The following HERC3 variants were observed in gnomAD, a reference collection of about 807,000 sequenced individuals.
HERC3 encodes HECT and RLD domain containing E3 ubiquitin protein ligase 3.
A neutral mutation model predicts 129.9 loss-of-function variants in HERC3; 58 were observed. The ratio of observed to expected loss-of-function variants is 0.45; its 90% CI spans 0.36 to 0.56. HERC3 has a LOEUF of 0.56. Ranked by LOEUF, HERC3 falls within the 20% of genes least tolerant of loss-of-function variation. The pLI, the probability that HERC3 is intolerant of heterozygous loss-of-function variation, is 0.00. For synonymous variants in HERC3, 430 were observed against 451.0 expected (o/e 0.95, Z 0.59); for missense variants, 835 against 1,244.2 (o/e 0.67, Z 4.95).
chr4:88,584,898 T>G, the HERC3 span, among the ~76,000 whole-genome samples: 1 of 152,224 alleles, frequency 6.6e-6, no homozygotes, highest in African/African-American at 2.4e-5. Context: ...ACAACTTGAA[T>G]GGAATAGCAT....
At position 88,707,361 on chromosome 4, in the gene HERC3, C is replaced by T. The variant is rs939128196; in HGVS notation, c.*401C>T. On this transcript the variant is annotated 3_prime_UTR_variant, in exon 26 of 26. Transcript: ENST00000402738. Reference sequence around the variant, plus strand: ...GTCCTTCTCTTAACTTCTCATTCCTCTATAAGAATGATTTAGACTGACCTG... The same window carrying T: ...GTCCTTCTCTTAACTTCTCATTCCTTTATAAGAATGATTTAGACTGACCTG... 1 of 199,558 alleles carries T rather than the reference C, an allele frequency of 5.0e-6. No homozygotes were observed. The highest frequency in any genetic ancestry group is 1.4e-4 in the East Asian group (1 of 7,130). The allele number at this position is 199,558 out of a possible 1,614,324, so 12.4% of individuals were successfully genotyped here. A position where few individuals can be genotyped will look rare whatever the true frequency, so the allele number is the denominator to read the frequency against.
At chr4:88,610,034 G>A (rs1724118891) in intron 3 of HERC3, among the ~76,000 whole-genome samples, 1 of 152,140 alleles carries the variant, frequency 6.6e-6, no homozygotes, top group African/African-American at 2.4e-5. Flanking sequence ...GACAACCAGA[G>A]CTCACTCTCG....
chr4:88,586,256 A>T, the HERC3 span, among the ~76,000 whole-genome samples: 1 of 152,232 alleles, frequency 6.6e-6, no homozygotes. Flanking sequence ...ATGATGTTGC[A>T]GAATAGTATA....
chr4:88,676,373 G>T lies in HERC3; in HGVS notation c.1975G>T (p.Ala659Ser). 3 of 1,613,086 alleles carry T rather than the reference G, an allele frequency of 1.9e-6. No individual in the cohort carries two copies. Among genetic ancestry groups the T allele is most frequent in the Non-Finnish European group, 2.5e-6 (3 of 1,179,200 alleles). Residue 659 changes from alanine to serine, a missense_variant, in exon 18 of 26, where the codon GCC (alanine) becomes TCC (serine). Ala to Ser is a moderately conservative substitution (Grantham distance 99). Transcript: ENST00000402738. ...TLCSYPFIFDAQAKTKMLQTD... is the reference protein window; with the variant it reads ...TLCSYPFIFDSQAKTKMLQTD... Reference sequence around the variant, plus strand: ...TTGTTCCTACCCTTTCATCTTTGATGCCCAAGCCAAGACCAAAATGTTACA... The same window carrying T: ...TTGTTCCTACCCTTTCATCTTTGATTCCCAAGCCAAGACCAAAATGTTACA...
At chr4:88,661,619 A>C (rs896416527) in intron 10 of HERC3, among the ~76,000 whole-genome samples, 3 of 152,244 alleles carry the variant, frequency 2.0e-5, no homozygotes, top group African/African-American at 7.2e-5. Context: ...AAATAAGTTG[A>C]AAACAAGCAA....
At chr4:88,549,760 A>T in the HERC3 span, among the ~76,000 whole-genome samples, 1 of 150,456 alleles carries the variant, frequency 6.6e-6, no homozygotes, top group African/African-American at 2.5e-5. Flanking sequence ...ATGGGAGTGC[A>T]GTGTCGCAAT....
intron 25 of HERC3, among the ~76,000 whole-genome samples, chr4:88,704,978 A>C (rs1450524451): frequency 6.6e-6 from 1 of 150,936 alleles, no homozygotes; most frequent in Non-Finnish European, 1.5e-5. Flanking sequence ...CTCATGCCTC[A>C]GCCTCCCAAG....
chr4:88,688,156 A>C (rs546376989), intron 23 of HERC3, among the ~76,000 whole-genome samples: 15 of 152,348 alleles, frequency 9.8e-5, no homozygotes, highest in African/African-American at 3.6e-4. Flanking sequence ...CACTTTTATC[A>C]GACACTAAAG....
At chr4:88,695,357 G>A (rs1331888958) in intron 23 of HERC3, among the ~76,000 whole-genome samples, 1 of 152,016 alleles carries the variant, frequency 6.6e-6, no homozygotes, top group Non-Finnish European at 1.5e-5. Flanking sequence ...GGAAGCAAAT[G>A]GCATCTGATT....
chr4:88,684,198 G>A (rs116410946), intron 21 of HERC3, among the ~76,000 whole-genome samples: 1,580 of 152,206 alleles, frequency 0.01, 10 homozygotes, highest in Non-Finnish European at 0.017. Context: ...GAGACATTAC[G>A]CTACTTGACT....
intron 25 of HERC3, 33 bp downstream of exon 25, chr4:88,704,643 C>A (rs1735619715): frequency 7.4e-7 from 1 of 1,347,266 alleles, no homozygotes; most frequent in South Asian, 1.2e-5. Flanking sequence ...TGGTATTTGT[C>A]TACATTTTAG....
intron 21 of HERC3, among the ~76,000 whole-genome samples, chr4:88,681,935 G>A (rs1014217208): frequency 7.9e-5 from 12 of 152,136 alleles, no homozygotes; most frequent in East Asian, 3.9e-4. Context: ...TGTAATTTGC[G>A]CCCATCAGTC....
chr4:88,679,773 C>G (rs1732568205), intron 19 of HERC3, among the ~76,000 whole-genome samples: 2 of 152,212 alleles, frequency 1.3e-5, no homozygotes, highest in African/African-American at 2.4e-5. Flanking sequence ...CTGCCTCGGC[C>G]TCCCAAAGTG....
rs188786017 is a variant in HERC3 at position 88,592,787 on chromosome 4, C to T, written c.-88+213C>T. ...AGGTTGGGGCGCGGCGCCCTTAGTA[C>T]CCTGCGTACGCCTCCCTGGCGTTCT... On this transcript the variant is annotated intron_variant, in intron 1 of 25. Transcript: ENST00000402738. 5.9e-4 allele frequency among the ~76,000 whole-genome samples: 89 copies of T among 152,114 alleles called. No individual in the cohort carries two copies. The East Asian group carries it at 0.017, about 30-fold the overall frequency.
intron 23 of HERC3, 25 bp from the exon 24 acceptor site, chr4:88,704,073 T>C (rs1332592917): frequency 3.7e-6 from 6 of 1,603,880 alleles, no homozygotes; most frequent in Non-Finnish European, 5.1e-6. Context: ...TTGAGCTAAA[T>C]GTATTTTCTT....
chr4:88,693,759 G>A, intron 23 of HERC3: 1 of 825,858 alleles, frequency 1.2e-6, no homozygotes, highest in Non-Finnish European at 1.5e-6. Context: ...GCATCGGCAT[G>A]CCAGTTTTCT....
chr4:88,524,540 G>A, the HERC3 span, among the ~76,000 whole-genome samples: 27 of 152,168 alleles, frequency 1.8e-4, no homozygotes, highest in African/African-American at 6.5e-4. Context: ...TGGGAACTTG[G>A]GCTCTGGGGC....
intron 23 of HERC3, among the ~76,000 whole-genome samples, chr4:88,695,668 G>A (rs1734530760): frequency 6.6e-6 from 1 of 152,130 alleles, no homozygotes; most frequent in South Asian, 2.1e-4. Context: ...TATCTTTCAT[G>A]TAATAATAAT....
the HERC3 span, among the ~76,000 whole-genome samples, chr4:88,547,411 T>C: frequency 6.6e-6 from 1 of 152,226 alleles, no homozygotes; most frequent in Non-Finnish European, 1.5e-5. Context: ...TAATGGTTTT[T>C]AGTATATTCG....
Sources: gnomAD v4.1 joint callset for allele counts (sites outside exome capture counted in the v4.1 genomes callset) on GRCh38, gnomAD v4.1.1 for gene constraint, MANE v1.5 for transcripts, NCBI Gene and HGNC (gene_info 2026-07-23, HGNC 2026-07-21) for gene names.